The following TCF19 variants were observed in gnomAD, a reference collection of about 807,000 sequenced individuals.
The protein encoded by TCF19 is transcription factor SC1.
Under a neutral mutation model 18.3 loss-of-function variants are expected in TCF19, and 9 were observed. That is an observed-to-expected ratio of 0.49 (90% CI 0.30 to 0.86). TCF19 has a LOEUF of 0.86. Ranked by LOEUF, TCF19 falls within the 40% of genes least tolerant of loss-of-function variation. The probability of loss-of-function intolerance (pLI) is 0.07; values close to 1 mark genes in which losing one functional copy is unlikely to be tolerated. For synonymous variants in TCF19, 176 were observed against 185.3 expected (o/e 0.95, Z 0.41); for missense variants, 376 against 464.3 (o/e 0.81, Z 1.75).
rs998700730 is a variant in TCF19 at position 31,162,747 on chromosome 6, C to T, written c.*30C>T. 5.6e-6 allele frequency: 9 copies of T among 1,604,788 alleles called. No homozygotes were observed. The Middle Eastern group carries it at 1.2e-3, about 207-fold the overall frequency. On this transcript the variant is annotated 3_prime_UTR_variant, in exon 4 of 4. Coordinates refer to ENST00000376257, the MANE Select transcript of TCF19 (RefSeq NM_007109.3). The surrounding 1 kb of genome is among the most constrained non-coding windows in gnomAD (Gnocchi z 4.5). ...CACTGCCAAGGCACCATCGGACACA[C>T]CTGCCCATGAGTAGACACAGCAGCG...
intron 2 of TCF19, among the ~76,000 whole-genome samples, chr6:31,160,922 C>T (rs1053235030): frequency 1.3e-5 from 2 of 151,998 alleles, no homozygotes; most frequent in African/African-American, 4.8e-5. Flanking sequence ...CTTTGGGAGG[C>T]TGAGGCGGGC....
In TCF19 at chr6:31,161,509, C is replaced by T. The variant is rs1582013001; in HGVS notation, c.301C>T (p.Leu101Phe). ...GHRLELSDGD[L>F]LTFGPEGPPG... is the part of the protein sequence containing the mutation. ...CAGGCTGGAATTGAGTGATGGAGAC[C>T]TCCTGACCTTTGGCCCTGAAGGGCC... is the stretch of plus-strand genomic sequence containing the variant. Residue 101 changes from leucine (L) to phenylalanine (F), a missense_variant, in exon 3 of 4, where the codon CTC (leucine) becomes TTC (phenylalanine). Transcript: ENST00000376257. The T allele has an allele frequency of 6.5e-7, 1 of 1,536,322 alleles. No homozygotes were observed. The highest frequency in any genetic ancestry group is 1.4e-5 in the African/African-American group (1 of 71,886).
In TCF19 at chr6:31,161,765, G is replaced by A. The variant is rs188298136; in HGVS notation, c.557G>A (p.Arg186Gln). The A allele has an allele frequency of 1.3e-3, 2,044 of 1,600,312 alleles. 19 individuals are homozygous for A. The African/African-American group carries it at 0.019, about 15-fold the overall frequency. ...TCCATAGGCAGCCTCAGCAAGCTCCGGCCCCAGCCCCTCACCTTCTCCCCT... is the reference window on the plus strand; with the variant it reads ...TCCATAGGCAGCCTCAGCAAGCTCCAGCCCCAGCCCCTCACCTTCTCCCCT... ...LNSIGSLSKL[R>Q]PQPLTFSPSW... The change falls in exon 3 of 4, where the codon CGG (arginine) becomes CAG (glutamine). Residue 186 changes from arginine to glutamine, a missense_variant. Physicochemically the swap from Arg to Gln is conservative, Grantham distance 43 (BLOSUM62 1). Transcript: ENST00000376257.
rs755855284 is a variant in TCF19, at chr6:31,159,678, G to A, written c.209G>A (p.Arg70Lys). ...LHAEPRGDDW[R>K]VSLEDHSSQG... Reference sequence around the variant, plus strand: ...GCCGAGCCCCGGGGTGATGACTGGAGGGTCAGCCTGGAAGACCACAGCAGC... The same window carrying A: ...GCCGAGCCCCGGGGTGATGACTGGAAGGTCAGCCTGGAAGACCACAGCAGC... The change falls in exon 2 of 4, where the codon AGG (arginine) becomes AAG (lysine). Residue 70 changes from arginine to lysine, a missense_variant. By Grantham distance (26) the Arg-to-Lys change is conservative. Coordinates refer to ENST00000376257, the MANE Select transcript of TCF19 (RefSeq NM_007109.3). 6.2e-7 allele frequency: 1 copy of A among 1,614,168 alleles called. No individual in the cohort carries two copies. Among genetic ancestry groups the A allele is most frequent in the Middle Eastern group, 1.7e-4 (1 of 6,058 alleles).
At chr6:31,161,419 T>C (rs764182293) in intron 2 of TCF19, 28 bp from the exon 3 acceptor site, 1 of 1,380,902 alleles carries the variant, frequency 7.2e-7, no homozygotes, top group East Asian at 2.7e-5. Flanking sequence ...TTGTCCTCCA[T>C]ATTTGCCTGG....
Position 31,161,431 on chromosome 6 carries a change from GCC to G in TCF19, c.239-13_239-12del. On this transcript the variant is annotated splice_polypyrimidine_tract_variant and intron_variant, in intron 2 of 3. Coordinates refer to ENST00000376257, the MANE Select transcript of TCF19 (RefSeq NM_007109.3). The stretch of plus-strand genomic sequence containing the variant: ...TTTTTGTCCTCCATATTTGCCTGGT[GCC>G]CCACCATCAACAGGTACTTTGGTCA... 1 of 1,372,502 alleles carries G rather than the reference GCC, an allele frequency of 7.3e-7. No individual in the cohort carries two copies. Among genetic ancestry groups the G allele is most frequent in the Non-Finnish European group, 9.5e-7 (1 of 1,055,100 alleles). 85.0% of individuals were successfully genotyped at this position (1,372,502 alleles called of 1,614,324 possible). A position where few individuals can be genotyped will look rare whatever the true frequency, so the allele number is the denominator to read the frequency against.
Position 31,163,636 on chromosome 6 carries a change from G to A in TCF19, c.*919G>A, listed in dbSNP as rs1776953555. On this transcript the variant is annotated 3_prime_UTR_variant, in exon 4 of 4. Coordinates refer to ENST00000376257, the MANE Select transcript of TCF19 (RefSeq NM_007109.3). ...CGGGTGGACACAGCAGAGGGCAACT[G>A]GGCTGGCCTGGTTCAGTGTGAATCA... 2 of 985,460 alleles carry A rather than the reference G, an allele frequency of 2.0e-6. No homozygotes were observed. Among genetic ancestry groups the A allele is most frequent in the Non-Finnish European group, 2.4e-6 (2 of 829,972 alleles). The allele number at this position is 985,460 out of a possible 1,614,324, so 61.0% of individuals were successfully genotyped here.
rs182661945 is a variant in TCF19 at position 31,163,668 on chromosome 6, T to C, written c.*951T>C. 2 of 985,484 alleles carry C rather than the reference T, an allele frequency of 2.0e-6. No homozygotes were observed. Among genetic ancestry groups the C allele is most frequent in the Admixed American group, 6.1e-5 (1 of 16,284 alleles). The allele number at this position is 985,484 out of a possible 1,614,324, so 61.0% of individuals were successfully genotyped here. A position where few individuals can be genotyped will look rare whatever the true frequency, so the allele number is the denominator to read the frequency against. On this transcript the variant is annotated 3_prime_UTR_variant, in exon 4 of 4. Coordinates refer to ENST00000376257, the MANE Select transcript of TCF19 (RefSeq NM_007109.3). Reference sequence around the variant, plus strand: ...CCTGGTTCAGTGTGAATCAAACCGCTTAACCCACACATGGTACATGTGATT... The same window carrying C: ...CCTGGTTCAGTGTGAATCAAACCGCCTAACCCACACATGGTACATGTGATT...
Position 31,162,224 on chromosome 6 carries a change from G to T in TCF19, c.797+219G>T, listed in dbSNP as rs1776832891. ...AGTGCTTATAAAACAACCGGAGTGA[G>T]CATGTCCTGCTTTTTACATTCATAT... On this transcript the variant is annotated intron_variant, in intron 3 of 3. Coordinates refer to ENST00000376257, the MANE Select transcript of TCF19 (RefSeq NM_007109.3). The surrounding 1 kb of genome is among the most constrained non-coding windows in gnomAD (Gnocchi z 4.5). Among the ~76,000 whole-genome samples, 1 of 152,136 alleles carries T rather than the reference G, an allele frequency of 6.6e-6. No individual in the cohort carries two copies. Among genetic ancestry groups the T allele is most frequent in the Non-Finnish European group, 1.5e-5 (1 of 68,028 alleles).
rs531101005 is a variant in TCF19 at position 31,161,612 on chromosome 6, C to T, written c.404C>T (p.Thr135Ile). 8.9e-6 allele frequency: 14 copies of T among 1,576,446 alleles called. No homozygotes were observed. The South Asian group carries it at 1.7e-4, about 19-fold the overall frequency. ...RVKPQDFAAI[T>I]IPRSRGEARV... ...AAGCCTCAGGACTTTGCTGCCATTA[C>T]CATCCCACGGTCTAGGGGAGAAGCC... The change falls in exon 3 of 4, where the codon ACC (threonine) becomes ATC (isoleucine). Residue 135 changes from threonine (T) to isoleucine (I), a missense_variant. By Grantham distance (89) the Thr-to-Ile change is moderately conservative (BLOSUM62 -1). Coordinates refer to ENST00000376257, the MANE Select transcript of TCF19 (RefSeq NM_007109.3).
Position 31,161,697 on chromosome 6 carries a change from C to A in TCF19, c.489C>A (p.Leu163=). The change falls in exon 3 of 4, where the codon CTC becomes CTA. Residue 163 remains leucine (L), a synonymous_variant. Coordinates refer to ENST00000376257, the MANE Select transcript of TCF19 (RefSeq NM_007109.3). The part of the protein sequence containing the change: ...LPSQGAPQRP[L]STFSPAPKAT... ...CCCAGGGGGCTCCACAGCGGCCTCT[C>A]AGCACCTTCTCCCCTGCCCCCAAGG... 6.5e-7 allele frequency: 1 copy of A among 1,540,104 alleles called. No homozygotes were observed.
In TCF19 at chr6:31,159,070, A is replaced by T. The variant is rs1336215219; in HGVS notation, c.-400A>T. On this transcript the variant is annotated 5_prime_UTR_variant, in exon 2 of 4. Transcript: ENST00000376257. ...TCGTATTGCACGTAGACGTGTGTAT[A>T]ACAGGACCTCCTTCCCCGCGCCCCG... 4.1e-6 allele frequency: 1 copy of T among 246,702 alleles called. No individual in the cohort carries two copies. The highest frequency in any genetic ancestry group is 2.3e-5 in the African/African-American group (1 of 44,368). The allele number at this position is 246,702 out of a possible 1,614,324, so 15.3% of individuals were successfully genotyped here. A position where few individuals can be genotyped will look rare whatever the true frequency, so the allele number is the denominator to read the frequency against.
rs768083128 is a variant in TCF19, at chr6:31,159,465, C to A, written c.-5C>A. On this transcript the variant is annotated 5_prime_UTR_variant, in exon 2 of 4. Transcript: ENST00000376257. ...GGAAGAGGTGGTGCAGAGGGGGCAC[C>A]GCCCATGCTGCCCTGCTTCCAACTG... is the stretch of plus-strand genomic sequence containing the variant. The A allele has an allele frequency of 6.4e-7, 1 of 1,557,552 alleles. No homozygotes were observed. The highest frequency in any genetic ancestry group is 2.3e-5 in the East Asian group (1 of 42,632).
rs17190776 is a variant in TCF19 at position 31,163,088 on chromosome 6, G to A, written c.*371G>A. ...TAAGAGGGAGTTCTTAAGGTTCTTGGTGGCATCACCCAAGGCATTCTGGGA... is the reference window on the plus strand; with the variant it reads ...TAAGAGGGAGTTCTTAAGGTTCTTGATGGCATCACCCAAGGCATTCTGGGA... On this transcript the variant is annotated 3_prime_UTR_variant, in exon 4 of 4. Coordinates refer to ENST00000376257, the MANE Select transcript of TCF19 (RefSeq NM_007109.3). 0.071 allele frequency: 76,408 copies of A among 1,078,400 alleles called. 3,017 individuals carry two copies. The highest frequency in any genetic ancestry group is 0.13 in the Middle Eastern group (301 of 2,398). 66.8% of individuals were successfully genotyped at this position (1,078,400 alleles called of 1,614,324 possible).
chr6:31,159,394 A>C lies in TCF19; in HGVS notation c.-76A>C. ...TCAGACTGGGAAGCGAACTTAAGCC[A>C]GCGGTGCGTGGCCCAGGAGTGGGAA... is the stretch of plus-strand genomic sequence containing the variant. On this transcript the variant is annotated 5_prime_UTR_variant, in exon 2 of 4. Coordinates refer to ENST00000376257, the MANE Select transcript of TCF19 (RefSeq NM_007109.3). 2.2e-6 allele frequency: 3 copies of C among 1,339,280 alleles called. No homozygotes were observed. Among genetic ancestry groups the C allele is most frequent in the Non-Finnish European group, 3.0e-6 (3 of 992,590 alleles). 83.0% of individuals were successfully genotyped at this position (1,339,280 alleles called of 1,614,324 possible).
At chr6:31,161,027 A>C (rs1238622327) in intron 2 of TCF19, among the ~76,000 whole-genome samples, 1 of 150,960 alleles carries the variant, frequency 6.6e-6, no homozygotes, top group Admixed American at 6.6e-5. Context: ...GTGGTGGCAC[A>C]TGCCTGTAAT....
chr6:31,162,562 C>G lies in TCF19; in HGVS notation c.883C>G (p.Pro295Ala), dbSNP rs1776862113. The G allele has an allele frequency of 3.7e-6, 6 of 1,612,964 alleles. No individual in the cohort carries two copies. The highest frequency in any genetic ancestry group is 5.1e-6 in the Non-Finnish European group (6 of 1,180,014). Residue 295 changes from proline to alanine, a missense_variant, in exon 4 of 4, where the codon CCT becomes GCT. Physicochemically the swap from Pro to Ala is conservative, Grantham distance 27. Coordinates refer to ENST00000376257, the MANE Select transcript of TCF19 (RefSeq NM_007109.3). The surrounding 1 kb of genome is among the most constrained non-coding windows in gnomAD (Gnocchi z 4.5). ...AVGGGEPCAA[P>A]CCCLPQEETV... ...TGGGGGCGGGGAGCCCTGTGCAGCT[C>G]CTTGTTGCTGCCTGCCCCAGGAAGA...
Position 31,159,524 on chromosome 6 carries a change from T to C in TCF19, c.55T>C (p.Tyr19His). The change falls in exon 2 of 4, where the codon TAC becomes CAC. Residue 19 changes from tyrosine (Y) to histidine (H), a missense_variant. Coordinates refer to ENST00000376257, the MANE Select transcript of TCF19 (RefSeq NM_007109.3). ...AGGGGGCGGCAGGGGCGGTGATCTC[T>C]ACACCTTCCACCCCCCCGCCGGGGC... Reference protein sequence around the residue: ...RIGGGRGGDLYTFHPPAGAGC... With the variant: ...RIGGGRGGDLHTFHPPAGAGC... 1 of 1,602,860 alleles carries C rather than the reference T, an allele frequency of 6.2e-7. No homozygotes were observed. Among genetic ancestry groups the C allele is most frequent in the African/African-American group, 1.3e-5 (1 of 74,864 alleles).
chr6:31,162,729 A>G lies in TCF19; in HGVS notation c.*12A>G, dbSNP rs759698345. The G allele has an allele frequency of 3.1e-6, 5 of 1,608,304 alleles. No homozygotes were observed. Among genetic ancestry groups the G allele is most frequent in the Non-Finnish European group, 4.2e-6 (5 of 1,179,714 alleles). ...GCATTCAGACCTAAGGTCCACTGCC[A>G]AGGCACCATCGGACACACCTGCCCA... On this transcript the variant is annotated 3_prime_UTR_variant, in exon 4 of 4. Transcript: ENST00000376257. The surrounding 1 kb of genome is among the most constrained non-coding windows in gnomAD (Gnocchi z 4.5).
Sources: gnomAD v4.1 joint callset for allele counts (sites outside exome capture counted in the v4.1 genomes callset) on GRCh38, gnomAD v4.1.1 for gene constraint, Gnocchi (gnomAD v3.1) non-coding constraint, MANE v1.5 for transcripts, NCBI Gene and HGNC (gene_info 2026-07-23, HGNC 2026-07-21) for gene names.